CNTN5: variants seen among roughly 807,000 people sequenced by gnomAD.
The protein encoded by CNTN5 is contactin-5.
CNTN5 carries 77 observed loss-of-function variants against 129.1 expected under a neutral mutation model. The observed-to-expected ratio is 0.60, with a 90% CI of 0.50 to 0.72. CNTN5 has a LOEUF of 0.72. CNTN5 is among the 30% of genes least tolerant of loss of function. The pLI, the probability that CNTN5 is intolerant of heterozygous loss-of-function variation, is 0.00. For missense variants in CNTN5, 1,478 were observed against 1,328.8 expected (o/e 1.11, Z -1.75); for synonymous variants, 509 against 465.6 (o/e 1.09, Z -1.20).
intron 1 of CNTN5, among the ~76,000 whole-genome samples, chr11:99,316,671 C>A (rs1315178916): frequency 1.3e-5 from 2 of 150,908 alleles, no homozygotes; most frequent in Non-Finnish European, 2.9e-5. Context: ...AAAGCTGAAC[C>A]ATAATATTCT....
chr11:99,101,118 G>T (rs1001330496), intron 1 of CNTN5, among the ~76,000 whole-genome samples: 23 of 152,134 alleles, frequency 1.5e-4, no homozygotes, highest in Non-Finnish European at 2.8e-4. Flanking sequence ...GAGAGAAGGA[G>T]AACCAAGTGA....
At chr11:100,354,032 G>A (rs1054008439) in intron 24 of CNTN5, among the ~76,000 whole-genome samples, 2 of 151,472 alleles carry the variant, frequency 1.3e-5, no homozygotes, top group East Asian at 3.9e-4. Flanking sequence ...ATTGTTTTAA[G>A]AGAGATAATA....
chr11:100,250,327 A>G (rs1445404063), intron 16 of CNTN5, among the ~76,000 whole-genome samples: 1 of 152,096 alleles, frequency 6.6e-6, no homozygotes. Flanking sequence ...TTGTTATACA[A>G]CATTCCACAC....
chr11:99,031,642 AC>A (rs149990432), intron 1 of CNTN5, among the ~76,000 whole-genome samples: 6,376 of 152,094 alleles, frequency 0.042, 453 homozygotes, highest in East Asian at 0.23. Flanking sequence ...TGAAAAAAAA[AC>A]CAAACAAACC....
At chr11:99,875,537 T>G (rs921506866) in intron 6 of CNTN5, among the ~76,000 whole-genome samples, 1 of 152,178 alleles carries the variant, frequency 6.6e-6, no homozygotes, top group Non-Finnish European at 1.5e-5. Context: ...AAAATGTGGA[T>G]GATATGTGTA....
chr11:99,065,925 G>T (rs116657579), intron 1 of CNTN5, among the ~76,000 whole-genome samples: 5,252 of 152,092 alleles, frequency 0.035, 192 homozygotes, highest in African/African-American at 0.084. Context: ...AAATTACCTT[G>T]ACTCTGTTGT....
chr11:99,042,569 G>T (rs1419002459), intron 1 of CNTN5, among the ~76,000 whole-genome samples: 2 of 151,704 alleles, frequency 1.3e-5, no homozygotes, highest in Non-Finnish European at 2.9e-5. Flanking sequence ...TAGAGACGGG[G>T]TTTCACTGTG....
intron 2 of CNTN5, among the ~76,000 whole-genome samples, chr11:99,460,263 A>C (rs1309514760): frequency 6.6e-6 from 1 of 151,566 alleles, no homozygotes; most frequent in Non-Finnish European, 1.5e-5. Context: ...AGAAATATTT[A>C]AGAAATTATT....
At chr11:99,886,578 A>T (rs1360951615) in intron 6 of CNTN5, among the ~76,000 whole-genome samples, 1 of 152,174 alleles carries the variant, frequency 6.6e-6, no homozygotes, top group Non-Finnish European at 1.5e-5. Context: ...AGTTGCTTGT[A>T]AAAACATTTG....
intron 2 of CNTN5, among the ~76,000 whole-genome samples, chr11:99,505,431 T>C (rs1164507758): frequency 6.6e-6 from 1 of 152,204 alleles, no homozygotes; most frequent in Non-Finnish European, 1.5e-5. Flanking sequence ...CAGGATAATT[T>C]ACAGAAACAA....
chr11:100,179,501 C>T (rs1049784557), intron 13 of CNTN5, among the ~76,000 whole-genome samples: 1 of 152,024 alleles, frequency 6.6e-6, no homozygotes, highest in Non-Finnish European at 1.5e-5. Flanking sequence ...GTAAAATTGA[C>T]ATTTTTATAA....
At chr11:100,149,924 A>G (rs1946999176) in intron 13 of CNTN5, among the ~76,000 whole-genome samples, 2 of 151,888 alleles carry the variant, frequency 1.3e-5, no homozygotes, top group African/African-American at 2.4e-5. Flanking sequence ...AAAAGAAAAA[A>G]AAAATCTCAT....
At chr11:99,578,200 T>A (rs1435059553) in intron 3 of CNTN5, among the ~76,000 whole-genome samples, 2 of 152,108 alleles carry the variant, frequency 1.3e-5, no homozygotes, top group Non-Finnish European at 2.9e-5. Context: ...GGTGTATATG[T>A]GCCACATTTT....
At chr11:99,928,827 C>T (rs917727335) in intron 7 of CNTN5, among the ~76,000 whole-genome samples, 1 of 152,174 alleles carries the variant, frequency 6.6e-6, no homozygotes, top group African/African-American at 2.4e-5. Context: ...GGCTTGAATT[C>T]CTCCTCAGAA....
intron 2 of CNTN5, among the ~76,000 whole-genome samples, chr11:99,500,733 A>G (rs963424686): frequency 1.3e-5 from 2 of 152,182 alleles, no homozygotes; most frequent in African/African-American, 2.4e-5. Flanking sequence ...TTGTTTTCAT[A>G]CAAACATAAT....
At chr11:99,198,304 A>G (rs1461906594) in intron 1 of CNTN5, among the ~76,000 whole-genome samples, 60 of 152,144 alleles carry the variant, frequency 3.9e-4, no homozygotes, top group Non-Finnish European at 7.4e-5. Context: ...TGGGTTAAGT[A>G]CTAAAGAATT....
intron 1 of CNTN5, among the ~76,000 whole-genome samples, chr11:99,232,896 T>G (rs920831731): frequency 6.6e-6 from 1 of 152,220 alleles, no homozygotes; most frequent in African/African-American, 2.4e-5. Flanking sequence ...TGTCAATTTT[T>G]GTTTCTATGA....
At chr11:100,194,830 G>T (rs868190071) in intron 15 of CNTN5, among the ~76,000 whole-genome samples, 2 of 150,530 alleles carry the variant, frequency 1.3e-5, no homozygotes, top group South Asian at 4.2e-4. Context: ...AGCTCTCTTT[G>T]TTGCATTTTC....
intron 21 of CNTN5, among the ~76,000 whole-genome samples, chr11:100,316,770 G>T (rs1300489662): frequency 6.6e-6 from 1 of 152,112 alleles, no homozygotes; most frequent in Non-Finnish European, 1.5e-5. Flanking sequence ...CTTCTTGTAA[G>T]ATAATTATTA....
Sources: allele counts gnomAD v4.1 joint callset (sites outside exome capture counted in the v4.1 genomes callset), GRCh38; gene constraint gnomAD v4.1.1; transcripts MANE v1.5; gene names NCBI Gene and HGNC (gene_info 2026-07-23, HGNC 2026-07-21).